TIMD4: variants seen among roughly 807,000 people sequenced by gnomAD.
TIMD4 encodes the protein T cell immunoglobulin and mucin domain containing 4.
TIMD4 carries 31 observed loss-of-function variants against 41.2 expected under a neutral mutation model. The observed-to-expected ratio is 0.75, with a 90% CI of 0.57 to 1.01. The LOEUF (loss-of-function observed/expected upper bound fraction) is 1.01. Among genes scored for constraint, TIMD4 ranks in the 50% least tolerant of loss-of-function variants. The pLI is 0.00. For missense variants in TIMD4, 479 were observed against 472.5 expected (o/e 1.01, Z -0.13); for synonymous variants, 204 against 177.1 (o/e 1.15, Z -1.21).
intron 5 of TIMD4, among the ~76,000 whole-genome samples, chr5:156,933,544 GTTGTT>G (rs60102527): frequency 0.63 from 90,096 of 144,010 alleles, 29,321 homozygotes; most frequent in East Asian, 0.8. Context: ...GGGTGAGAGT[GTTGTT>G]TTGTTTTGTT....
chr5:156,922,200 A>T lies in TIMD4; in HGVS notation c.911T>A (p.Met304Lys). The change falls in exon 7 of 9, where the codon ATG becomes AAG. Residue 304 changes from methionine to lysine, a missense_variant. Met to Lys is a moderately conservative substitution (Grantham distance 95). Coordinates refer to ENST00000274532, the MANE Select transcript of TIMD4 (RefSeq NM_138379.3). ...TKTGQMDGIP[M>K]SMKNEMPISQ... is the part of the protein sequence containing the mutation. The stretch of plus-strand genomic sequence containing the variant: ...GATGGGCATTTCATTCTTCATTGAC[A>T]TGGGTATTCCATCCATCTGATGGGA... The T allele has an allele frequency of 1.2e-6, 2 of 1,613,822 alleles. No individual in the cohort carries two copies. The highest frequency in any genetic ancestry group is 1.7e-6 in the Non-Finnish European group (2 of 1,179,786).
At chr5:156,961,270 A>G (rs1275533503) in intron 1 of TIMD4, among the ~76,000 whole-genome samples, 1 of 152,256 alleles carries the variant, frequency 6.6e-6, no homozygotes, top group Non-Finnish European at 1.5e-5. Context: ...GAACTCTCGT[A>G]CGCTGTTGGT....
intron 1 of TIMD4, among the ~76,000 whole-genome samples, chr5:156,959,170 C>T (rs972881605): frequency 7.2e-5 from 11 of 152,114 alleles, no homozygotes; most frequent in Admixed American, 6.6e-4. Context: ...TGTTTCGTGT[C>T]ACTCATCTTA....
At chr5:156,932,094 T>C (rs567502343) in intron 5 of TIMD4, among the ~76,000 whole-genome samples, 43 of 152,346 alleles carry the variant, frequency 2.8e-4, no homozygotes, top group Middle Eastern at 3.4e-3. Context: ...AATATTTGCA[T>C]ACTTATTCCC....
At chr5:156,953,986 G>T (rs1759913697) in intron 2 of TIMD4, among the ~76,000 whole-genome samples, 1 of 152,156 alleles carries the variant, frequency 6.6e-6, no homozygotes, top group Admixed American at 6.5e-5. Context: ...TTTCTCCCCT[G>T]CCAGAAGTGG....
chr5:156,922,103 CAG>C lies in TIMD4; in HGVS notation c.1006_1007del (p.Leu336GlufsTer22). On this transcript the variant is annotated frameshift_variant, in exon 7 of 9. Coordinates refer to ENST00000274532, the MANE Select transcript of TIMD4 (RefSeq NM_138379.3). LOFTEE classifies it low-confidence loss of function (END_TRUNC). ...VLFALFVAFL[L>X]RGKLMETYCS... ...CACCTGGCCCTCCCTCCTTACCTCT[CAG>C]GAGAAACGCCACAAACAATGCGAAG... 1 of 1,613,188 alleles carries C rather than the reference CAG, an allele frequency of 6.2e-7. No homozygotes were observed. Among genetic ancestry groups the C allele is most frequent in the East Asian group, 2.2e-5 (1 of 44,864 alleles).
At chr5:156,946,633 C>T (rs916869239) in intron 5 of TIMD4, among the ~76,000 whole-genome samples, 4 of 151,716 alleles carry the variant, frequency 2.6e-5, no homozygotes, top group African/African-American at 4.8e-5. Context: ...CCCGCCACCA[C>T]GTCCACCTAA....
intron 5 of TIMD4, among the ~76,000 whole-genome samples, chr5:156,944,917 G>A (rs181685101): frequency 6.6e-6 from 1 of 152,270 alleles, no homozygotes; most frequent in East Asian, 1.9e-4. Context: ...TAAAGTGGAG[G>A]CAAGAAATTG....
intron 1 of TIMD4, among the ~76,000 whole-genome samples, chr5:156,958,398 GAGAAACTAGC>G (rs1237568712): frequency 6.6e-6 from 1 of 151,470 alleles, no homozygotes; most frequent in Admixed American, 6.6e-5. Flanking sequence ...GGATCCAATA[GAGAAACTAGC>G]AGAGGACATA....
At chr5:156,953,422 G>A (rs768437027) in intron 2 of TIMD4, among the ~76,000 whole-genome samples, 1 of 151,942 alleles carries the variant, frequency 6.6e-6, no homozygotes, top group Non-Finnish European at 1.5e-5. Context: ...TTGGGAGGCC[G>A]AGGTGGGTGG....
At chr5:156,934,328 T>C (rs1208251440) in intron 5 of TIMD4, among the ~76,000 whole-genome samples, 3 of 152,224 alleles carry the variant, frequency 2.0e-5, no homozygotes, top group Non-Finnish European at 2.9e-5. Flanking sequence ...CACTGCAGCC[T>C]CAACCTCCCA....
At chr5:156,933,160 T>A (rs1759474146) in intron 5 of TIMD4, among the ~76,000 whole-genome samples, 1 of 152,176 alleles carries the variant, frequency 6.6e-6, no homozygotes, top group African/African-American at 2.4e-5. Context: ...GAATATAGAA[T>A]GATTTTGAAA....
intron 5 of TIMD4, 74 bp from the exon 6 acceptor site, chr5:156,926,386 T>C: frequency 6.7e-7 from 1 of 1,485,662 alleles, no homozygotes; most frequent in Non-Finnish European, 9.4e-7. Context: ...AAATAGGTAA[T>C]TAAGAGTCCA....
At position 156,939,340 on chromosome 5, in the gene TIMD4, C is replaced by T. The variant is rs1361072294; in HGVS notation, c.844+9076G>A. On this transcript the variant is annotated intron_variant, in intron 5 of 8. Transcript: ENST00000274532. ...ATGCACTAGACACGTTGAGCCAAGC[C>T]TTGGCATATAATAAGTACTCAGTAA... Among the ~76,000 whole-genome samples, 5 of 152,282 alleles carry T rather than the reference C, an allele frequency of 3.3e-5. No individual in the cohort carries two copies. The East Asian group carries it at 7.7e-4, about 23-fold the overall frequency.
intron 5 of TIMD4, among the ~76,000 whole-genome samples, chr5:156,935,047 AG>A (rs1417618345): frequency 1.3e-5 from 2 of 152,226 alleles, no homozygotes; most frequent in Admixed American, 1.3e-4. Context: ...TTTCATGGGT[AG>A]CCTCGGGCTT....
chr5:156,960,050 C>A (rs1460994324), intron 1 of TIMD4, among the ~76,000 whole-genome samples: 2 of 150,718 alleles, frequency 1.3e-5, no homozygotes, highest in Non-Finnish European at 2.9e-5. Flanking sequence ...CTCGAAAAAA[C>A]CCAAAAATAT....
At chr5:156,927,936 G>GA (rs944920712) in intron 5 of TIMD4, among the ~76,000 whole-genome samples, 4 of 151,806 alleles carry the variant, frequency 2.6e-5, no homozygotes, top group African/African-American at 9.7e-5. Context: ...TCAAACTCAG[G>GA]AAAAAAAGGG....
chr5:156,921,217 G>T (rs1419182334), intron 7 of TIMD4, among the ~76,000 whole-genome samples: 1 of 152,042 alleles, frequency 6.6e-6, no homozygotes, highest in Non-Finnish European at 1.5e-5. Flanking sequence ...AAAAATGCAG[G>T]CATGAACACA....
intron 1 of TIMD4, among the ~76,000 whole-genome samples, chr5:156,956,678 T>C (rs1234748352): frequency 6.6e-6 from 1 of 152,258 alleles, no homozygotes; most frequent in African/African-American, 2.4e-5. Flanking sequence ...ATTGGTTTAA[T>C]TGTGCATCAG....
Sources: gnomAD v4.1 joint callset for allele counts (sites outside exome capture counted in the v4.1 genomes callset) on GRCh38, gnomAD v4.1.1 for gene constraint, MANE v1.5 for transcripts, NCBI Gene and HGNC (gene_info 2026-07-23, HGNC 2026-07-21) for gene names.